Variants in ZNF536 observed in about 807,000 individuals in gnomAD.
ZNF536 encodes the protein zinc finger protein 536.
A neutral mutation model predicts 84.5 loss-of-function variants in ZNF536; 13 were observed. The observed-to-expected ratio is 0.15, with a 90% CI of 0.10 to 0.24. The LOEUF is 0.24. Among genes scored for constraint, ZNF536 ranks in the 10% least tolerant of loss-of-function variants. The probability of loss-of-function intolerance (pLI) is 1.00; values close to 1 mark genes in which losing one functional copy is unlikely to be tolerated. For missense variants in ZNF536, 1,536 were observed against 1,747.5 expected, an observed-to-expected ratio of 0.88 and a Z score of 2.16; for synonymous variants, 811 against 742.5, an observed-to-expected ratio of 1.09 and a Z score of -1.50.
At chr19:30,248,814 A>G (rs953808824) in intron 1 of ZNF536, among the ~76,000 whole-genome samples, 4 of 152,072 alleles carry the variant, frequency 2.6e-5, no homozygotes, top group Admixed American at 1.3e-4. Context: ...TCATCTTTTA[A>G]CAAGGAAGAC....
In ZNF536 at chr19:30,557,322, G is replaced by C. The variant is rs1029586893; in HGVS notation, c.*158G>C. 1 of 767,724 alleles carries C rather than the reference G, an allele frequency of 1.3e-6. No homozygotes were observed. Among genetic ancestry groups the C allele is most frequent in the Non-Finnish European group, 2.2e-6 (1 of 456,376 alleles). 47.6% of individuals were successfully genotyped at this position (767,724 alleles called of 1,614,324 possible). A position where few individuals can be genotyped will look rare whatever the true frequency, so the allele number is the denominator to read the frequency against. ...TTGGCATAGGTATGTGTATACACAC[G>C]GTGCACCAATCTACAGTATATATAG... On this transcript the variant is annotated 3_prime_UTR_variant, in exon 5 of 5. Transcript: ENST00000355537.
chr19:30,297,385 G>T (rs1338766509), intron 2 of ZNF536, among the ~76,000 whole-genome samples: 1 of 151,994 alleles, frequency 6.6e-6, no homozygotes, highest in African/African-American at 2.4e-5. Context: ...TTTTTTTAAT[G>T]GCCCACGTTT....
Position 30,299,776 on chromosome 19 carries a change from A to C in ZNF536, c.-120+15635A>C, listed in dbSNP as rs191814153. Among the ~76,000 whole-genome samples, 645 of 152,356 alleles carry C rather than the reference A, an allele frequency of 4.2e-3. 1 individual carries two copies. Among genetic ancestry groups the C allele is most frequent in the Non-Finnish European group, 7.5e-3 (509 of 68,034 alleles). ...AAGATGTACAACTCGGTTAAGAGTT[A>C]GGATAAACATAATATTCCTTAATTA... On this transcript the variant is annotated intron_variant, in intron 2 of 5. Transcript: ENST00000585628.
intron 2 of ZNF536, among the ~76,000 whole-genome samples, chr19:30,302,446 G>C (rs533611668): frequency 1.5e-4 from 23 of 152,270 alleles, no homozygotes; most frequent in Non-Finnish European, 2.5e-4. Flanking sequence ...AGTGACCTGG[G>C]TTGTCACATG....
At chr19:30,276,009 G>T (rs1268679527) in intron 1 of ZNF536, among the ~76,000 whole-genome samples, 1 of 151,982 alleles carries the variant, frequency 6.6e-6, no homozygotes, top group African/African-American at 2.4e-5. Flanking sequence ...TCTCAGGGCT[G>T]TTTTGACTAT....
intron 2 of ZNF536, among the ~76,000 whole-genome samples, chr19:30,522,551 C>T (rs991314221): frequency 7.2e-5 from 11 of 152,022 alleles, no homozygotes; most frequent in African/African-American, 1.2e-4. Flanking sequence ...CTCCTGATCA[C>T]GTGGAGCCCT....
At chr19:30,488,484 T>C (rs1263255936) in intron 2 of ZNF536, among the ~76,000 whole-genome samples, 1 of 152,124 alleles carries the variant, frequency 6.6e-6, no homozygotes, top group African/African-American at 2.4e-5. Context: ...TGAAATGTGA[T>C]TTCTTTCATC....
intron 2 of ZNF536, among the ~76,000 whole-genome samples, chr19:30,463,660 A>C (rs536306642): frequency 6.6e-6 from 1 of 152,302 alleles, no homozygotes; most frequent in East Asian, 1.9e-4. Context: ...TTCTCTCAGC[A>C]CAAAAGGCAC....
At chr19:30,541,538 C>A (rs1474519062) in intron 3 of ZNF536, among the ~76,000 whole-genome samples, 2 of 152,086 alleles carry the variant, frequency 1.3e-5, no homozygotes, top group Non-Finnish European at 2.9e-5. Flanking sequence ...GCTTTTCCTG[C>A]CTTAATGACA....
chr19:30,591,284 A>G (rs1052724057), intron 1 of ZNF536, among the ~76,000 whole-genome samples: 11 of 152,130 alleles, frequency 7.2e-5, no homozygotes, highest in Non-Finnish European at 1.6e-4. Flanking sequence ...GGCTGTTTGT[A>G]TTAGTCTGTT....
intron 1 of ZNF536, among the ~76,000 whole-genome samples, chr19:30,696,226 C>T (rs188741813): frequency 2.8e-3 from 420 of 152,286 alleles, no homozygotes; most frequent in Non-Finnish European, 5.1e-3. Flanking sequence ...CCCCCAGCCC[C>T]CGCAATGTTG....
In ZNF536 at chr19:30,445,121, G is replaced by A. The variant is rs2148212321; in HGVS notation, c.1559G>A (p.Ser520Asn). The A allele has an allele frequency of 6.2e-7, 1 of 1,613,970 alleles. No homozygotes were observed. Among genetic ancestry groups the A allele is most frequent in the South Asian group, 1.1e-5 (1 of 91,086 alleles). Reference protein sequence around the residue: ...AKAAEMDPVNSYQAWQLMARG... With the variant: ...AKAAEMDPVNNYQAWQLMARG... ...GCTGCGGAGATGGACCCCGTGAACA[G>A]CTACCAGGCTTGGCAGCTCATGGCC... The change falls in exon 2 of 5, where the codon AGC becomes AAC. Residue 520 changes from serine to asparagine, a missense_variant. By Grantham distance (46) the Ser-to-Asn change is conservative. Around this residue, in one of 8 missense-constraint regions of ZNF536, gnomAD observed 366 missense variants for 364.4 expected, o/e 1.00. Transcript: ENST00000355537. The surrounding 1 kb of genome is among the most constrained non-coding windows in gnomAD (Gnocchi z 4.5).
At chr19:30,340,664 A>G (rs2047537507) in intron 2 of ZNF536, among the ~76,000 whole-genome samples, 1 of 152,186 alleles carries the variant, frequency 6.6e-6, no homozygotes, top group Non-Finnish European at 1.5e-5. Flanking sequence ...CTACCTGCAC[A>G]TGTACACAAA....
At chr19:30,421,687 C>T (rs1025801798) in intron 1 of ZNF536, among the ~76,000 whole-genome samples, 1 of 152,134 alleles carries the variant, frequency 6.6e-6, no homozygotes, top group Non-Finnish European at 1.5e-5. Context: ...GATACGGAGA[C>T]CCCCGTGTAA....
At chr19:30,603,807 A>G (rs1439739184) in intron 1 of ZNF536, among the ~76,000 whole-genome samples, 2 of 152,194 alleles carry the variant, frequency 1.3e-5, no homozygotes, top group African/African-American at 2.4e-5. Context: ...ATATGTGCAC[A>G]GGCCAGGCAC....
chr19:30,594,882 C>T (rs1291583411), intron 1 of ZNF536, among the ~76,000 whole-genome samples: 1 of 152,028 alleles, frequency 6.6e-6, no homozygotes, highest in Non-Finnish European at 1.5e-5. Context: ...TCGAGGCACC[C>T]CCTCTCCTGG....
chr19:30,453,079 A>G (rs2148333123), intron 2 of ZNF536, among the ~76,000 whole-genome samples: 1 of 152,214 alleles, frequency 6.6e-6, no homozygotes, highest in South Asian at 2.1e-4. Flanking sequence ...TTTTGCTGGC[A>G]GGATGGGGCG....
At chr19:30,450,534 G>A (rs1211095445) in intron 2 of ZNF536, among the ~76,000 whole-genome samples, 1 of 151,158 alleles carries the variant, frequency 6.6e-6, no homozygotes, top group Non-Finnish European at 1.5e-5. Flanking sequence ...TCTTTGTGGA[G>A]GAGAACTTTG....
intron 1 of ZNF536, among the ~76,000 whole-genome samples, chr19:30,646,806 G>A (rs1001870267): frequency 9.2e-5 from 14 of 152,106 alleles, no homozygotes; most frequent in African/African-American, 3.4e-4. Flanking sequence ...ACACCTGCAG[G>A]AGAATTCCAC....
Sources: allele counts gnomAD v4.1 joint callset (sites outside exome capture counted in the v4.1 genomes callset), GRCh38; gene constraint gnomAD v4.1.1; regional missense constraint gnomAD v4.1.1; non-coding constraint Gnocchi (gnomAD v3.1); transcripts MANE v1.5; gene names NCBI Gene and HGNC (gene_info 2026-07-23, HGNC 2026-07-21).